INTS13: variants seen among roughly 807,000 people sequenced by gnomAD.
INTS13 encodes integrator complex subunit 13, also known as asunder, spermatogenesis regulator homolog (Drosphila).
Under a neutral mutation model 90.2 loss-of-function variants are expected in INTS13, and 35 were observed. That is an observed-to-expected ratio of 0.39 (90% CI 0.30 to 0.51). The LOEUF (loss-of-function observed/expected upper bound fraction) is 0.51, where lower values mean the gene tolerates loss of function less well. INTS13 is among the 20% of genes least tolerant of loss of function. INTS13 has a pLI of 0.80. For missense variants in INTS13, 601 were observed against 851.2 expected, an observed-to-expected ratio of 0.71 and a Z score of 3.66; for synonymous variants, 309 against 277.1, an observed-to-expected ratio of 1.11 and a Z score of -1.14.
chr12:26,928,427 C>G, intron 4 of INTS13, 142 bp from the exon 5 acceptor site: 1 of 707,954 alleles, frequency 1.4e-6, no homozygotes, highest in Non-Finnish European at 2.3e-6. Flanking sequence ...TAAGTCATAC[C>G]ACTAAACAAC....
At chr12:26,934,659 T>G (rs999733500) in intron 2 of INTS13, 29 bp from the exon 3 acceptor site, 14 of 1,495,460 alleles carry the variant, frequency 9.4e-6, no homozygotes, top group Non-Finnish European at 1.3e-5. Context: ...ACAATTAGTA[T>G]TCAACTCTAA....
chr12:26,932,548 A>G (rs1189743068), intron 3 of INTS13, among the ~76,000 whole-genome samples: 4 of 152,208 alleles, frequency 2.6e-5, no homozygotes, highest in Non-Finnish European at 5.9e-5. Context: ...AAAGCACATA[A>G]GAGAGTAAAG....
rs142746175 is a variant in INTS13 at position 26,935,790 on chromosome 12, T to G, written c.225+789A>C. 9.2e-3 allele frequency among the ~76,000 whole-genome samples: 1,396 copies of G among 152,342 alleles called. 14 individuals are homozygous for G. Among genetic ancestry groups the G allele is most frequent in the Non-Finnish European group, 0.011 (776 of 68,038 alleles). ...AATATCAGACTATGTTCACCTTTACTCTACTGCCCTACCTTCCTCAGTCTA... is the reference window on the plus strand; with the variant it reads ...AATATCAGACTATGTTCACCTTTACGCTACTGCCCTACCTTCCTCAGTCTA... On this transcript the variant is annotated intron_variant, in intron 2 of 16. Transcript: ENST00000261191.
intron 5 of INTS13, among the ~76,000 whole-genome samples, chr12:26,927,984 G>GTAT (rs1267786122): frequency 1.3e-5 from 2 of 152,100 alleles, no homozygotes; most frequent in African/African-American, 4.8e-5. Context: ...ATAAATTTAT[G>GTAT]TATTATTTTA....
At chr12:26,932,305 A>T (rs1407998630) in intron 3 of INTS13, among the ~76,000 whole-genome samples, 10 of 152,178 alleles carry the variant, frequency 6.6e-5, no homozygotes, top group Admixed American at 6.5e-4. Flanking sequence ...GAAGTTCAGA[A>T]CTGGAGAATC....
chr12:26,916,733 AG>A (rs1951946267), intron 10 of INTS13, among the ~76,000 whole-genome samples: 1 of 152,244 alleles, frequency 6.6e-6, no homozygotes, highest in South Asian at 2.1e-4. Context: ...TTAGATCACT[AG>A]TTCCAAAACC....
chr12:26,918,910 T>C (rs1247422530), intron 8 of INTS13: 1 of 193,720 alleles, frequency 5.2e-6, no homozygotes, highest in Non-Finnish European at 1.2e-5. Flanking sequence ...GTCTCACATC[T>C]AAAATCTCAG....
chr12:26,924,888 A>G (rs913544408), intron 6 of INTS13, among the ~76,000 whole-genome samples: 2 of 152,202 alleles, frequency 1.3e-5, no homozygotes, highest in African/African-American at 4.8e-5. Flanking sequence ...CCCTGCAGAT[A>G]AAACTAAAAG....
In INTS13 at chr12:26,914,087, T is replaced by C; in HGVS notation, c.1461A>G (p.Thr487=). The C allele has an allele frequency of 6.2e-7, 1 of 1,607,656 alleles. No homozygotes were observed. Among genetic ancestry groups the C allele is most frequent in the Non-Finnish European group, 8.5e-7 (1 of 1,178,258 alleles). ...LASVIVKESL[T]EEDVLNCQKT... is the part of the protein sequence containing the mutation. Reference sequence around the variant, plus strand: ...TTTGACAGTTTAACACATCTTCTTCTGTCAGAGATTCTTTCACAATAACAC... The same window carrying C: ...TTTGACAGTTTAACACATCTTCTTCCGTCAGAGATTCTTTCACAATAACAC... Residue 487 remains threonine (T), a synonymous_variant, in exon 13 of 17, where the codon ACA becomes ACG. Coordinates refer to ENST00000261191, the MANE Select transcript of INTS13 (RefSeq NM_018164.3).
intron 8 of INTS13, among the ~76,000 whole-genome samples, chr12:26,922,348 A>G (rs1024467435): frequency 6.6e-6 from 1 of 152,246 alleles, no homozygotes; most frequent in Non-Finnish European, 1.5e-5. Flanking sequence ...CTACATTCAT[A>G]TAACTTTCAT....
chr12:26,936,796 ATCT>A lies in INTS13; in HGVS notation c.5_7del (p.Lys2del), dbSNP rs1938485932. 6.2e-7 allele frequency: 1 copy of A among 1,612,238 alleles called. No individual in the cohort carries two copies. On this transcript the variant is annotated inframe_deletion, in exon 2 of 17. Coordinates refer to ENST00000261191, the MANE Select transcript of INTS13 (RefSeq NM_018164.3). ...CACTGTTTTATGAGATTCAGAAAAA[ATCT>A]TCATTTTGTTTTAACCTGTAAGGGG...
At chr12:26,931,960 G>A (rs1453118148) in intron 3 of INTS13, among the ~76,000 whole-genome samples, 11 of 151,828 alleles carry the variant, frequency 7.2e-5, no homozygotes, top group Admixed American at 6.6e-4. Context: ...GGTGGCAGGC[G>A]CCTGTAATTC....
intron 4 of INTS13, 87 bp downstream of exon 4, chr12:26,928,616 T>C: frequency 2.2e-6 from 3 of 1,375,944 alleles, no homozygotes; most frequent in South Asian, 2.4e-5. Context: ...CGTAAACATG[T>C]AAACATGCTG....
intron 15 of INTS13, 155 bp from the exon 16 acceptor site, chr12:26,906,592 A>C: frequency 1.3e-6 from 1 of 757,910 alleles, no homozygotes; most frequent in Non-Finnish European, 2.1e-6. Context: ...TAAGGCAATC[A>C]TTTTCCTCTT....
At chr12:26,928,083 T>G (rs901311476) in intron 5 of INTS13, 122 bp downstream of exon 5, 2 of 599,762 alleles carry the variant, frequency 3.3e-6, no homozygotes, top group African/African-American at 3.7e-5. Context: ...CATACATTTT[T>G]TGACTAATTT....
At chr12:26,922,210 T>C (rs1045719970) in intron 8 of INTS13, among the ~76,000 whole-genome samples, 2 of 152,214 alleles carry the variant, frequency 1.3e-5, no homozygotes, top group African/African-American at 4.8e-5. Context: ...TAATGCTATG[T>C]CACAATACCT....
At chr12:26,922,279 A>C (rs1405746426) in intron 8 of INTS13, among the ~76,000 whole-genome samples, 3 of 152,220 alleles carry the variant, frequency 2.0e-5, no homozygotes, top group Non-Finnish European at 4.4e-5. Context: ...ACATCATCCC[A>C]AAAACGATGA....
chr12:26,908,848 T>C (rs929334330), intron 15 of INTS13, among the ~76,000 whole-genome samples: 2 of 152,198 alleles, frequency 1.3e-5, no homozygotes. Context: ...TGCAATCAAG[T>C]TGCTTCTCAT....
At chr12:26,922,102 T>C (rs1353191822) in intron 8 of INTS13, among the ~76,000 whole-genome samples, 1 of 152,344 alleles carries the variant, frequency 6.6e-6, no homozygotes, top group Middle Eastern at 3.4e-3. Flanking sequence ...GTCCAGCATA[T>C]ATATGCTATA....
Sources: gnomAD v4.1 joint callset for allele counts (sites outside exome capture counted in the v4.1 genomes callset) on GRCh38, gnomAD v4.1.1 for gene constraint, MANE v1.5 for transcripts, NCBI Gene and HGNC (gene_info 2026-07-23, HGNC 2026-07-21) for gene names.